ZNF454: variants seen among roughly 807,000 people sequenced by gnomAD.
The protein encoded by ZNF454 is zinc finger protein 454.
ZNF454 carries 30 observed loss-of-function variants against 48.2 expected under a neutral mutation model. That is an observed-to-expected ratio of 0.62 (90% CI 0.47 to 0.84). The LOEUF is 0.84. ZNF454 is among the 40% of genes least tolerant of loss of function. The pLI, the probability that ZNF454 is intolerant of heterozygous loss-of-function variation, is 0.00. For missense variants in ZNF454, 510 were observed against 623.1 expected (o/e 0.82, Z 1.93); for synonymous variants, 204 against 211.4 (o/e 0.97, Z 0.30).
the ZNF454 span, chr5:178,977,521 C>G: frequency 3.2e-6 from 1 of 315,352 alleles, no homozygotes; most frequent in Non-Finnish European, 6.7e-6. Context: ...TAGAGTAAAA[C>G]AGTAATCCAC....
chr5:178,946,319 G>C lies in ZNF454; in HGVS notation c.34-40G>C, dbSNP rs758653580. ...CTCTTTTCCAGAGAACCATGTGCAGGGGTAGCCCCTGGTCAAGGAGAATGA... is the reference window on the plus strand; with the variant it reads ...CTCTTTTCCAGAGAACCATGTGCAGCGGTAGCCCCTGGTCAAGGAGAATGA... On this transcript the variant is annotated intron_variant, in intron 2 of 4. Coordinates refer to ENST00000519564, the MANE Select transcript of ZNF454 (RefSeq NM_001178089.3). The surrounding 1 kb of genome is among the most constrained non-coding windows in gnomAD (Gnocchi z 4.5). The C allele has an allele frequency of 1.9e-6, 3 of 1,608,402 alleles. No homozygotes were observed. Among genetic ancestry groups the C allele is most frequent in the Non-Finnish European group, 1.7e-6 (2 of 1,178,268 alleles).
the ZNF454 span, chr5:178,986,402 C>A: frequency 9.9e-6 from 16 of 1,613,774 alleles, no homozygotes; most frequent in South Asian, 6.6e-5. Flanking sequence ...CGGCCCGAGG[C>A]CCGGACGATG....
chr5:178,987,504 G>A, the ZNF454 span: 4 of 453,696 alleles, frequency 8.8e-6, no homozygotes, highest in East Asian at 2.8e-4. Flanking sequence ...TCTGACCCAT[G>A]CTATAAAATG....
the ZNF454 span, chr5:178,985,507 T>C: frequency 1.3e-3 from 436 of 338,670 alleles, 2 homozygotes; most frequent in East Asian, 8.4e-3. Context: ...ATCGAGACCA[T>C]CCTGGCTAAC....
chr5:178,988,173 G>C, the ZNF454 span, among the ~76,000 whole-genome samples: 1 of 152,158 alleles, frequency 6.6e-6, no homozygotes, highest in African/African-American at 2.4e-5. The surrounding 1 kb of genome is among the most constrained non-coding windows in gnomAD (Gnocchi z 6.0). Context: ...CTGTCCAGGC[G>C]AGAGGATGAG....
At position 178,946,467 on chromosome 5, in the gene ZNF454, A is replaced by G. The variant is rs753420271; in HGVS notation, c.142A>G (p.Ser48Gly). ...CAGGGACGTGATGCTGGAGAACTAC[A>G]GCAACCTGGTCTCACTGGGTAAGTG... The part of the protein sequence containing the change: ...LYRDVMLENY[S>G]NLVSLGLLGP... The change falls in exon 3 of 5, where the codon AGC (serine) becomes GGC (glycine). Residue 48 changes from serine (S) to glycine (G), a missense_variant. Physicochemically the swap from Ser to Gly is moderately conservative, Grantham distance 56. Coordinates refer to ENST00000519564, the MANE Select transcript of ZNF454 (RefSeq NM_001178089.3). This position sits in a 1 kb window ranked among gnomAD's most constrained non-coding sequence, Gnocchi z 4.5. 6 of 1,601,616 alleles carry G rather than the reference A, an allele frequency of 3.7e-6. No individual in the cohort carries two copies. The East Asian group carries it at 1.1e-4, about 30-fold the overall frequency.
At chr5:178,975,626 C>T in the ZNF454 span, 6 of 361,204 alleles carry the variant, frequency 1.7e-5, no homozygotes, top group Non-Finnish European at 2.9e-5. Context: ...CTTCTCACCC[C>T]GAGTAAATTA....
At chr5:178,988,739 G>A in the ZNF454 span, among the ~76,000 whole-genome samples, 1 of 152,174 alleles carries the variant, frequency 6.6e-6, no homozygotes, top group South Asian at 2.1e-4. This position sits in a 1 kb window ranked among gnomAD's most constrained non-coding sequence, Gnocchi z 6.0. Flanking sequence ...AGGGAACACT[G>A]AAGCCTGGGG....
chr5:178,982,957 G>A, the ZNF454 span: 1 of 1,614,200 alleles, frequency 6.2e-7, no homozygotes, highest in Non-Finnish European at 8.5e-7. Flanking sequence ...ACGAATGCCA[G>A]CCAGATGATG....
chr5:178,943,281 T>G (rs1386156420), intron 2 of ZNF454, among the ~76,000 whole-genome samples: 1 of 152,142 alleles, frequency 6.6e-6, no homozygotes, highest in East Asian at 1.9e-4. Context: ...CTTCCAATCA[T>G]GGCAGAAGGT....
the ZNF454 span, chr5:178,979,633 G>A: frequency 6.6e-6 from 1 of 152,232 alleles, no homozygotes; most frequent in East Asian, 1.9e-4. Context: ...AATCAGTGTA[G>A]AAATGCCTCT....
chr5:178,956,896 G>GT (rs1326355840), intron 4 of ZNF454: 8 of 346,766 alleles, frequency 2.3e-5, no homozygotes, highest in Non-Finnish European at 4.1e-5. Flanking sequence ...TTGTTTGTTT[G>GT]TTTTTTTAGA....
At chr5:178,968,686 CCCAT>C, downstream of ZNF454, 2 of 442,268 alleles carry the variant, frequency 4.5e-6, no homozygotes, top group Non-Finnish European at 9.2e-6. Flanking sequence ...CTGTCTTCAC[CCCAT>C]CCATGTAATG....
At chr5:178,989,515 G>A in the ZNF454 span, 1 of 1,358,988 alleles carries the variant, frequency 7.4e-7, no homozygotes, top group Non-Finnish European at 1.0e-6. Flanking sequence ...AGGTGAGCTA[G>A]GAGTGGCCAG....
chr5:178,948,481 C>T (rs1212504136), intron 4 of ZNF454, among the ~76,000 whole-genome samples: 1 of 152,210 alleles, frequency 6.6e-6, no homozygotes, highest in African/African-American at 2.4e-5. Context: ...GAGTCTAATT[C>T]TTCATTGCAC....
At chr5:178,989,697 G>A in the ZNF454 span, 1 of 515,750 alleles carries the variant, frequency 1.9e-6, no homozygotes, top group Non-Finnish European at 3.5e-6. Flanking sequence ...TGCAAACTCA[G>A]AGCCTCACCA....
chr5:178,985,479 G>A, the ZNF454 span: 1,370 of 340,440 alleles, frequency 4.0e-3, 11 homozygotes, highest in Non-Finnish European at 3.9e-3. Context: ...CGAGGTGGGC[G>A]GATCACGAGG....
rs938264491 is a variant in ZNF454, at chr5:178,941,683, C to T, written c.-108+239C>T. Among the ~76,000 whole-genome samples the T allele has an allele frequency of 1.3e-5, 2 of 152,186 alleles. No individual in the cohort carries two copies. The highest frequency in any genetic ancestry group is 2.9e-5 in the Non-Finnish European group (2 of 68,024). Reference sequence around the variant, plus strand: ...GAGGCAGCCGCTGCGCAGCCCCTGCCACAGCCCCCGAGGGACCTGGCGAAG... The same window carrying T: ...GAGGCAGCCGCTGCGCAGCCCCTGCTACAGCCCCCGAGGGACCTGGCGAAG... On this transcript the variant is annotated intron_variant, in intron 1 of 4. Coordinates refer to ENST00000519564, the MANE Select transcript of ZNF454 (RefSeq NM_001178089.3). The surrounding 1 kb of genome is among the most constrained non-coding windows in gnomAD (Gnocchi z 5.5).
chr5:178,983,372 C>T, the ZNF454 span: 25 of 756,002 alleles, frequency 3.3e-5, no homozygotes, highest in Non-Finnish European at 4.6e-5. Context: ...CAGGAGCACT[C>T]AGTGGAGAAG....
Sources: allele counts gnomAD v4.1 joint callset (sites outside exome capture counted in the v4.1 genomes callset), GRCh38; gene constraint gnomAD v4.1.1; non-coding constraint Gnocchi (gnomAD v3.1); transcripts MANE v1.5; gene names NCBI Gene and HGNC (gene_info 2026-07-23, HGNC 2026-07-21).